Variants in ARHGAP23 observed in about 807,000 individuals in gnomAD.
ARHGAP23 encodes the protein Rho GTPase activating protein 23.
A neutral mutation model predicts 136.3 loss-of-function variants in ARHGAP23; 34 were observed. That is an observed-to-expected ratio of 0.25 (90% CI 0.19 to 0.33). The LOEUF (loss-of-function observed/expected upper bound fraction) is 0.33. Ranked by LOEUF, ARHGAP23 falls within the 10% of genes least tolerant of loss-of-function variation. The pLI, the probability that ARHGAP23 is intolerant of heterozygous loss-of-function variation, is 1.00. For missense variants in ARHGAP23, 1,808 were observed against 2,139.0 expected, an observed-to-expected ratio of 0.85 and a Z score of 3.05; for synonymous variants, 832 against 920.5, an observed-to-expected ratio of 0.90 and a Z score of 1.74.
At chr17:38,437,657 GA>G (rs2038828001) in intron 1 of ARHGAP23, among the ~76,000 whole-genome samples, 1 of 149,474 alleles carries the variant, frequency 6.7e-6, no homozygotes, top group Admixed American at 6.7e-5. Flanking sequence ...GGGTCTTTCA[GA>G]ATCCTAGGTC....
At chr17:38,431,885 C>T (rs886245969) in intron 1 of ARHGAP23, among the ~76,000 whole-genome samples, 3 of 152,234 alleles carry the variant, frequency 2.0e-5, no homozygotes. Context: ...TCGTGGCCCC[C>T]CTCAGTGCAG....
chr17:38,473,559 T>G (rs2039815487), intron 11 of ARHGAP23, among the ~76,000 whole-genome samples: 1 of 151,118 alleles, frequency 6.6e-6, no homozygotes, highest in Non-Finnish European at 1.5e-5. Flanking sequence ...TTCTGGGGAG[T>G]TAGTGGTAAG....
chr17:38,464,705 TC>T (rs952556439), intron 6 of ARHGAP23, among the ~76,000 whole-genome samples: 16 of 152,078 alleles, frequency 1.1e-4, no homozygotes, highest in Non-Finnish European at 2.2e-4. Context: ...CCCTAGGGTG[TC>T]CCCCACTCTC....
At chr17:38,433,655 C>T (rs2038731335) in intron 1 of ARHGAP23, among the ~76,000 whole-genome samples, 1 of 152,172 alleles carries the variant, frequency 6.6e-6, no homozygotes, top group Non-Finnish European at 1.5e-5. Context: ...CTACTTCCTA[C>T]TGTGGGGCAT....
At position 38,490,098 on chromosome 17, in the gene ARHGAP23, C is replaced by G. The variant is rs1298327381; in HGVS notation, c.2987-4C>G. The G allele has an allele frequency of 6.4e-7, 1 of 1,551,610 alleles. No individual in the cohort carries two copies. Among genetic ancestry groups the G allele is most frequent in the East Asian group, 2.4e-5 (1 of 40,926 alleles). The stretch of plus-strand genomic sequence containing the variant: ...CTCTCTAAAGAGTCTCCGCTGTGTT[C>G]TAGACAAATACAACGACTTCATCGA... On this transcript the variant is annotated splice_polypyrimidine_tract_variant and splice_region_variant and intron_variant, in intron 17 of 23. Transcript: ENST00000622683.
chr17:38,438,050 C>T (rs1027856311), intron 1 of ARHGAP23, among the ~76,000 whole-genome samples: 7 of 152,110 alleles, frequency 4.6e-5, no homozygotes, highest in Admixed American at 1.3e-4. Context: ...GGGCCAGGCA[C>T]GGTGGCTCAC....
At chr17:38,460,721 C>T (rs2039438940) in intron 2 of ARHGAP23, among the ~76,000 whole-genome samples, 184 bp from the exon 3 acceptor site, 1 of 152,178 alleles carries the variant, frequency 6.6e-6, no homozygotes, top group Admixed American at 6.5e-5. Context: ...GCACATGTCA[C>T]TGGGGAACTT....
intron 1 of ARHGAP23, among the ~76,000 whole-genome samples, chr17:38,456,854 G>T (rs1214096141): frequency 6.6e-6 from 1 of 152,088 alleles, no homozygotes; most frequent in African/African-American, 2.4e-5. Context: ...ACATCATCTT[G>T]GAGAATCCTG....
Position 38,462,689 on chromosome 17 carries a change from T to C in ARHGAP23, c.254-157T>C, listed in dbSNP as rs151275102. Among the ~76,000 whole-genome samples the C allele has an allele frequency of 1.8e-3, 269 of 152,340 alleles. 1 individual carries two copies. The highest frequency in any genetic ancestry group is 6.1e-3 in the African/African-American group (252 of 41,588). On this transcript the variant is annotated intron_variant, in intron 3 of 23. Transcript: ENST00000622683. ...CCTCCTGTTGGGTTCTGTGCCTCCA[T>C]GGACCTGTCCAGTGTCCTCGTGGAT... is the stretch of plus-strand genomic sequence containing the variant.
upstream of ARHGAP23, among the ~76,000 whole-genome samples, chr17:38,423,665 G>T (rs917231701): frequency 6.6e-6 from 1 of 152,072 alleles, no homozygotes; most frequent in African/African-American, 2.4e-5. Flanking sequence ...GAGCCACCGC[G>T]CCTGGCCAAT....
intron 22 of ARHGAP23, chr17:38,498,836 T>C: frequency 1.4e-6 from 1 of 692,238 alleles, no homozygotes; most frequent in East Asian, 2.7e-5. Flanking sequence ...TTTTTAATTT[T>C]TCTTCCTTTT....
intron 1 of ARHGAP23, among the ~76,000 whole-genome samples, chr17:38,442,254 C>T (rs11868612): frequency 0.079 from 11,980 of 152,208 alleles, 648 homozygotes; most frequent in Non-Finnish European, 0.12. Flanking sequence ...CCACCATGCC[C>T]GGCCCCCCTT....
intron 1 of ARHGAP23, among the ~76,000 whole-genome samples, chr17:38,454,695 G>A (rs1033002489): frequency 2.0e-5 from 3 of 152,170 alleles, no homozygotes; most frequent in Admixed American, 2.0e-4. Flanking sequence ...TGATGTCCGG[G>A]ATGGACCAGG....
chr17:38,478,956 C>T (rs981703324), intron 12 of ARHGAP23, among the ~76,000 whole-genome samples: 10 of 152,190 alleles, frequency 6.6e-5, no homozygotes, highest in Non-Finnish European at 1.0e-4. Flanking sequence ...CATCCTCTTA[C>T]TGACCAGGCT....
At position 38,422,959 on chromosome 17, in the gene ARHGAP23, C is replaced by T. The variant is rs553393291; in HGVS notation, n.120+3560C>T. 3.3e-4 allele frequency among the ~76,000 whole-genome samples: 51 copies of T among 152,276 alleles called. 2 individuals carry two copies. In the South Asian group the frequency reaches 9.9e-3, roughly 30 times the overall value. On this transcript the variant is annotated intron_variant and non_coding_transcript_variant, in intron 1 of 4. Transcript: ENST00000633445. The stretch of plus-strand genomic sequence containing the variant: ...CCCACCCTCTCCCTCCTTTCTCTGA[C>T]GTTTGCTAGTAGAGGGCTTTGAGGT...
chr17:38,471,078 G>C (rs1486433044), intron 10 of ARHGAP23, among the ~76,000 whole-genome samples: 1 of 151,102 alleles, frequency 6.6e-6, no homozygotes, highest in African/African-American at 2.4e-5. Context: ...TCAGCCTCCT[G>C]AGTAGCTGGG....
intron 3 of ARHGAP23, among the ~76,000 whole-genome samples, chr17:38,461,185 C>T (rs1025495046): frequency 3.3e-5 from 5 of 152,304 alleles, no homozygotes; most frequent in African/African-American, 4.8e-5. Flanking sequence ...TTGCTGAGCT[C>T]GGCACACTGT....
intron 1 of ARHGAP23, among the ~76,000 whole-genome samples, chr17:38,420,480 C>T (rs1392116484): frequency 1.3e-5 from 2 of 152,184 alleles, no homozygotes; most frequent in Non-Finnish European, 2.9e-5. Context: ...GCTCTGAGAC[C>T]CTCCCCTCCA....
intron 23 of ARHGAP23, among the ~76,000 whole-genome samples, 175 bp from the exon 24 acceptor site, chr17:38,509,752 GCGGGGGTAGTCTCTGGA>G (rs1417660360): frequency 1.3e-5 from 2 of 152,220 alleles, no homozygotes; most frequent in African/African-American, 4.8e-5. Flanking sequence ...ATTTGGGCCA[GCGGGGGTAGTCTCTGGA>G]CGGAGGGCGG....
Sources: allele counts gnomAD v4.1 joint callset (sites outside exome capture counted in the v4.1 genomes callset), GRCh38; gene constraint gnomAD v4.1.1; transcripts MANE v1.5; gene names NCBI Gene and HGNC (gene_info 2026-07-23, HGNC 2026-07-21).